Variants in SORL1 observed in about 807,000 individuals in gnomAD.
The protein encoded by SORL1 is sortilin related receptor 1.
In SORL1, 127 loss-of-function variants were observed where a neutral mutation model predicts 273.7. The observed-to-expected ratio is 0.46, with a 90% confidence interval of 0.40 to 0.54. The LOEUF is 0.54. Among genes scored for constraint, SORL1 ranks in the 20% least tolerant of loss-of-function variants. The pLI, the probability that SORL1 is intolerant of heterozygous loss-of-function variation, is 0.00. For missense variants in SORL1, 2,494 were observed against 2,846.1 expected (o/e 0.88, Z 2.81); for synonymous variants, 1,031 against 1,067.4 (o/e 0.97, Z 0.66).
In SORL1 at chr11:121,514,213, A is replaced by G. The variant is rs1861918750; in HGVS notation, c.1103A>G (p.Asn368Ser). ...TTTGTGTGTGTCAGCCACAGTAACAACCGCACCAATTTATACATCTCAGAG... is the reference window on the plus strand; with the variant it reads ...TTTGTGTGTGTCAGCCACAGTAACAGCCGCACCAATTTATACATCTCAGAG... ...QVFVCVSHSNNRTNLYISEAE... is the reference protein window; with the variant it reads ...QVFVCVSHSNSRTNLYISEAE... The change falls in exon 8 of 48, where the codon AAC (asparagine) becomes AGC (serine). Residue 368 changes from asparagine to serine, a missense_variant. Asn to Ser is a conservative substitution (Grantham distance 46). Around this residue, in one of 3 missense-constraint regions of SORL1, gnomAD observed 710 missense variants for 882.5 expected, o/e 0.80. Coordinates refer to ENST00000260197, the MANE Select transcript of SORL1 (RefSeq NM_003105.6). 1.2e-6 allele frequency: 2 copies of G among 1,614,092 alleles called. No homozygotes were observed. The highest frequency in any genetic ancestry group is 1.7e-5 in the Admixed American group (1 of 60,014).
rs192501979 is a variant in SORL1 at position 121,466,410 on chromosome 11, G to A, written c.286-3597G>A. On this transcript the variant is annotated intron_variant, in intron 1 of 47. Transcript: ENST00000260197. ...GGATGGAAAAGGAACCAAACAAACCGGAAGCCACTGATTAAGTAAAGGGAT... is the reference window on the plus strand; with the variant it reads ...GGATGGAAAAGGAACCAAACAAACCAGAAGCCACTGATTAAGTAAAGGGAT... Among the ~76,000 whole-genome samples the A allele has an allele frequency of 2.6e-4, 39 of 152,262 alleles. 1 individual carries two copies. Among genetic ancestry groups the A allele is most frequent in the South Asian group, 1.4e-3 (7 of 4,828 alleles).
At chr11:121,479,667 A>T (rs928536270) in intron 3 of SORL1, among the ~76,000 whole-genome samples, 30 of 152,174 alleles carry the variant, frequency 2.0e-4, no homozygotes, top group Admixed American at 7.9e-4. Context: ...ACGCCATGGG[A>T]AGTGTTGTGG....
At chr11:121,512,612 T>C (rs1861896489) in intron 6 of SORL1, among the ~76,000 whole-genome samples, 1 of 152,228 alleles carries the variant, frequency 6.6e-6, no homozygotes, top group African/African-American at 2.4e-5. Context: ...GTGTGGCTGA[T>C]CTCACCCTTT....
At chr11:121,543,896 ATTC>A (rs1168676829) in intron 13 of SORL1, among the ~76,000 whole-genome samples, 170 bp downstream of exon 13, 4 of 152,230 alleles carry the variant, frequency 2.6e-5, no homozygotes, top group Non-Finnish European at 5.9e-5. Context: ...GGCCTGCTCA[ATTC>A]TTCTTAGTAA....
rs766300001 is a variant in SORL1, at chr11:121,570,172, G to A, written c.3239G>A (p.Arg1080His). The change falls in exon 23 of 48, where the codon CGC (arginine) becomes CAC (histidine). Residue 1080 changes from arginine (R) to histidine (H), a missense_variant. Coordinates refer to ENST00000260197, the MANE Select transcript of SORL1 (RefSeq NM_003105.6). Reference protein sequence around the residue: ...TCVKQENTCLRNQYRCSNGNC... With the variant: ...TCVKQENTCLHNQYRCSNGNC... Reference sequence around the variant, plus strand: ...TGATGGGTAGAGAACACCTGTCTTCGCAACCAGTATCGCTGCAGCAACGGG... The same window carrying A: ...TGATGGGTAGAGAACACCTGTCTTCACAACCAGTATCGCTGCAGCAACGGG... 2.5e-5 allele frequency: 40 copies of A among 1,613,360 alleles called. No individual in the cohort carries two copies. The highest frequency in any genetic ancestry group is 1.1e-4 in the South Asian group (10 of 91,046).
chr11:121,516,144 A>G (rs923596145), intron 8 of SORL1, among the ~76,000 whole-genome samples: 2 of 152,204 alleles, frequency 1.3e-5, no homozygotes, highest in African/African-American at 4.8e-5. Context: ...GTTATCCTCA[A>G]TGCTGTGTGG....
In SORL1 at chr11:121,620,784, C is replaced by T. The variant is rs149319207; in HGVS notation, c.5890-280C>T. Among the ~76,000 whole-genome samples the T allele has an allele frequency of 1.6e-3, 246 of 152,278 alleles. 1 individual carries two copies. Among genetic ancestry groups the T allele is most frequent in the African/African-American group, 5.6e-3 (232 of 41,546 alleles). On this transcript the variant is annotated intron_variant, in intron 43 of 47. Coordinates refer to ENST00000260197, the MANE Select transcript of SORL1 (RefSeq NM_003105.6). ...TGAGTTTGGATGTGCTTGCTTGTTCCAACCTACCTGCTGATGTCACGATAA... is the reference window on the plus strand; with the variant it reads ...TGAGTTTGGATGTGCTTGCTTGTTCTAACCTACCTGCTGATGTCACGATAA...
intron 17 of SORL1, 107 bp from the exon 18 acceptor site, chr11:121,555,080 C>T: frequency 8.2e-7 from 1 of 1,226,706 alleles, no homozygotes; most frequent in South Asian, 1.9e-5. Flanking sequence ...ACATCTCATC[C>T]CTTGCCAGTC....
At chr11:121,525,753 T>G (rs949529533) in intron 11 of SORL1, among the ~76,000 whole-genome samples, 7 of 152,208 alleles carry the variant, frequency 4.6e-5, no homozygotes, top group African/African-American at 1.4e-4. Flanking sequence ...TTTGCCTTTT[T>G]GAAAAAATTG....
chr11:121,496,861 T>C lies in SORL1; in HGVS notation c.759-8T>C, dbSNP rs766160304. On this transcript the variant is annotated splice_polypyrimidine_tract_variant and splice_region_variant and intron_variant, in intron 5 of 47. Transcript: ENST00000260197. ...AATGATAACAACCTTTTTTTTTTTTTCTGCCAGGGGAATTGATCCCTATGA... is the reference window on the plus strand; with the variant it reads ...AATGATAACAACCTTTTTTTTTTTTCCTGCCAGGGGAATTGATCCCTATGA... The C allele has an allele frequency of 9.6e-6, 15 of 1,569,882 alleles. 1 individual carries two copies. In the South Asian group the frequency reaches 1.6e-4, roughly 17 times the overall value.
chr11:121,466,469 G>T (rs1267191520), intron 1 of SORL1, among the ~76,000 whole-genome samples: 1 of 152,182 alleles, frequency 6.6e-6, no homozygotes, highest in Non-Finnish European at 1.5e-5. Context: ...GATTGCTGGG[G>T]TCTGCCCTGG....
intron 2 of SORL1, among the ~76,000 whole-genome samples, chr11:121,472,750 C>T (rs190313758): frequency 1.9e-3 from 292 of 152,182 alleles, no homozygotes; most frequent in Non-Finnish European, 3.5e-3. Context: ...CACCTGAGGT[C>T]GGGAGTTTGA....
chr11:121,582,520 G>T (rs552251863), intron 25 of SORL1, among the ~76,000 whole-genome samples: 5 of 152,352 alleles, frequency 3.3e-5, no homozygotes, highest in Admixed American at 3.3e-4. Flanking sequence ...GAAATCAGAT[G>T]GAGAGGACCG....
chr11:121,596,291 G>A lies in SORL1; in HGVS notation c.4519+519G>A, dbSNP rs1188468268. Among the ~76,000 whole-genome samples, 1 of 152,236 alleles carries A rather than the reference G, an allele frequency of 6.6e-6. No individual in the cohort carries two copies. The highest frequency in any genetic ancestry group is 2.4e-5 in the African/African-American group (1 of 41,452). ...ATAATCACAGGGCCATCTGAGCCCA[G>A]TGTGAGGTGATGCATGCATTCTCTA... On this transcript the variant is annotated intron_variant, in intron 32 of 47. Coordinates refer to ENST00000260197, the MANE Select transcript of SORL1 (RefSeq NM_003105.6). This position sits in a 1 kb window ranked among gnomAD's most constrained non-coding sequence, Gnocchi z 4.3.
intron 26 of SORL1, among the ~76,000 whole-genome samples, chr11:121,585,162 T>G (rs1863075167): frequency 6.6e-6 from 1 of 152,224 alleles, no homozygotes; most frequent in Non-Finnish European, 1.5e-5. Context: ...GCTTTTTCTA[T>G]TCATTGAAGC....
In SORL1 at chr11:121,627,349, AC is replaced by A; in HGVS notation, c.6365-205del. On this transcript the variant is annotated intron_variant, in intron 46 of 47. Coordinates refer to ENST00000260197, the MANE Select transcript of SORL1 (RefSeq NM_003105.6). The surrounding 1 kb of genome is among the most constrained non-coding windows in gnomAD (Gnocchi z 4.9). Reference sequence around the variant, plus strand: ...TAATGTAATTACCATATTTGCATGCACAAGGCCCTTGGTCTATCAGCTCATG... The same window carrying A: ...TAATGTAATTACCATATTTGCATGCAAAGGCCCTTGGTCTATCAGCTCATG... 1 of 593,114 alleles carries A rather than the reference AC, an allele frequency of 1.7e-6. No individual in the cohort carries two copies. The allele number at this position is 593,114 out of a possible 1,614,324, so 36.7% of individuals were successfully genotyped here.
intron 8 of SORL1, among the ~76,000 whole-genome samples, chr11:121,517,990 CAG>C (rs1048747325): frequency 1.3e-5 from 2 of 152,106 alleles, no homozygotes; most frequent in Non-Finnish European, 2.9e-5. Flanking sequence ...CTGATTTACT[CAG>C]AGACATGGAG....
chr11:121,518,946 T>C (rs974945339), intron 8 of SORL1, among the ~76,000 whole-genome samples: 1 of 148,598 alleles, frequency 6.7e-6, no homozygotes, highest in Middle Eastern at 3.2e-3. Context: ...GTCTTTTTTC[T>C]TTTTCTTTTT....
intron 12 of SORL1, among the ~76,000 whole-genome samples, chr11:121,533,685 G>T (rs1862231722): frequency 6.6e-6 from 1 of 152,322 alleles, no homozygotes; most frequent in South Asian, 2.1e-4. Context: ...AACGGGGCCA[G>T]CAGTAAGTGA....
Sources: gnomAD v4.1 joint callset for allele counts (sites outside exome capture counted in the v4.1 genomes callset) on GRCh38, gnomAD v4.1.1 for gene constraint, gnomAD v4.1.1 regional missense constraint, Gnocchi (gnomAD v3.1) non-coding constraint, MANE v1.5 for transcripts, NCBI Gene and HGNC (gene_info 2026-07-23, HGNC 2026-07-21) for gene names.